Variants in CSMD2 observed in about 807,000 individuals in gnomAD.
CSMD2 encodes CUB and Sushi multiple domains 2.
Under a neutral mutation model 398.5 loss-of-function variants are expected in CSMD2, and 130 were observed. The ratio of observed to expected loss-of-function variants is 0.33; its 90% CI spans 0.28 to 0.38. The LOEUF (loss-of-function observed/expected upper bound fraction) is 0.38, where lower values mean the gene tolerates loss of function less well. CSMD2 is among the 10% of genes least tolerant of loss of function. The pLI is 1.00. For missense variants in CSMD2, 3,829 were observed against 4,764.9 expected (o/e 0.80, Z 5.78); for synonymous variants, 1,828 against 1,908.5 (o/e 0.96, Z 1.10).
intron 1 of CSMD2, among the ~76,000 whole-genome samples, chr1:34,104,643 C>T (rs966521182): frequency 3.9e-5 from 6 of 152,280 alleles, no homozygotes; most frequent in Admixed American, 1.3e-4. Context: ...TCATCACGCC[C>T]GCTGAAGGTG....
chr1:34,136,736 C>T (rs1638789815), intron 1 of CSMD2, among the ~76,000 whole-genome samples: 1 of 152,182 alleles, frequency 6.6e-6, no homozygotes, highest in African/African-American at 2.4e-5. Context: ...ATTATGAAAA[C>T]TCCGATCCAT....
intron 15 of CSMD2, among the ~76,000 whole-genome samples, chr1:33,734,382 A>G (rs1482043933): frequency 6.6e-6 from 1 of 152,150 alleles, no homozygotes; most frequent in African/African-American, 2.4e-5. Flanking sequence ...TATTTGACAG[A>G]GTCTAGCTCT....
At chr1:33,892,865 G>A (rs1447171212) in intron 5 of CSMD2, among the ~76,000 whole-genome samples, 1 of 152,204 alleles carries the variant, frequency 6.6e-6, no homozygotes, top group East Asian at 1.9e-4. Flanking sequence ...CTGGTTGGGT[G>A]ACTTTGAAGC....
chr1:33,574,347 G>A (rs1659874707), intron 49 of CSMD2, among the ~76,000 whole-genome samples: 1 of 152,204 alleles, frequency 6.6e-6, no homozygotes. Context: ...ATGTTTATAG[G>A]AGGAATAGGA....
At chr1:33,676,166 A>C (rs1176133443) in intron 25 of CSMD2, among the ~76,000 whole-genome samples, 2 of 152,218 alleles carry the variant, frequency 1.3e-5, no homozygotes, top group African/African-American at 4.8e-5. Flanking sequence ...AGGAAATAAA[A>C]TTGTCCCTGT....
At position 33,918,082 on chromosome 1, in the gene CSMD2, T is replaced by C. The variant is rs755814921; in HGVS notation, c.920+12A>G. 1 of 1,610,816 alleles carries C rather than the reference T, an allele frequency of 6.2e-7. No homozygotes were observed. The highest frequency in any genetic ancestry group is 8.5e-7 in the Non-Finnish European group (1 of 1,178,206). On this transcript the variant is annotated intron_variant, in intron 5 of 70. Transcript: ENST00000373381. ...AGAATAGGGTAGGAAAGGAAGGTGATGTTGTGCTTACCAGAGGGAGGAGCC... is the reference window on the plus strand; with the variant it reads ...AGAATAGGGTAGGAAAGGAAGGTGACGTTGTGCTTACCAGAGGGAGGAGCC...
chr1:33,869,334 C>T (rs1439030372), intron 5 of CSMD2: 1 of 152,228 alleles, frequency 6.6e-6, no homozygotes, highest in African/African-American at 2.4e-5. Flanking sequence ...GAAGCCTCCA[C>T]TTGGTATTCC....
chr1:33,653,132 T>C (rs1217967267), intron 27 of CSMD2, among the ~76,000 whole-genome samples: 1 of 152,180 alleles, frequency 6.6e-6, no homozygotes, highest in African/African-American at 2.4e-5. Flanking sequence ...ATCTAGCCTC[T>C]CTAGCCCTCG....
chr1:33,607,344 A>G (rs916372884), intron 41 of CSMD2, among the ~76,000 whole-genome samples: 1 of 152,182 alleles, frequency 6.6e-6, no homozygotes, highest in Non-Finnish European at 1.5e-5. Context: ...GAAAGAGTAA[A>G]GAGTTGGACT....
chr1:33,859,120 T>C (rs1639305307), intron 5 of CSMD2, among the ~76,000 whole-genome samples: 1 of 152,244 alleles, frequency 6.6e-6, no homozygotes, highest in Non-Finnish European at 1.5e-5. Context: ...TAGTTTCCTA[T>C]TGCTGCCTTA....
intron 41 of CSMD2, among the ~76,000 whole-genome samples, chr1:33,607,755 G>A (rs1183244652): frequency 2.0e-5 from 3 of 152,328 alleles, no homozygotes; most frequent in East Asian, 1.9e-4. Flanking sequence ...ACAGGTGAAC[G>A]CTGAGGGAGT....
At chr1:33,859,252 T>C (rs1186458168) in intron 5 of CSMD2, among the ~76,000 whole-genome samples, 1 of 152,206 alleles carries the variant, frequency 6.6e-6, no homozygotes, top group Admixed American at 6.5e-5. Flanking sequence ...ACTGAGCCCC[T>C]CTGGTGGCAC....
rs1558342797 is a variant in CSMD2, at chr1:34,076,936, T to TATA, written c.404+12038_404+12040dup. Among the ~76,000 whole-genome samples the TATA allele has an allele frequency of 5.7e-4, 39 of 68,038 alleles. 2 individuals are homozygous for TATA. Among genetic ancestry groups the TATA allele is most frequent in the African/African-American group, 2.5e-3 (39 of 15,354 alleles). 44.6% of individuals were successfully genotyped at this position (68,038 alleles called of 152,430 possible). ...AAAAAAAAAAAAAAAAAAATATATA[T>TATA]ATATATATATATATATATATAGAAG... On this transcript the variant is annotated intron_variant, in intron 2 of 70. Transcript: ENST00000373381.
rs560418931 is a variant in CSMD2, at chr1:33,973,071, G to C, written c.518-37117C>G. On this transcript the variant is annotated intron_variant, in intron 3 of 70. Coordinates refer to ENST00000373381, the MANE Select transcript of CSMD2 (RefSeq NM_001281956.2). Reference sequence around the variant, plus strand: ...CTCTGACCCCAAGACTCAGCTCCCAGCCACCCCTCCAGACCCAGGCCCTGT... The same window carrying C: ...CTCTGACCCCAAGACTCAGCTCCCACCCACCCCTCCAGACCCAGGCCCTGT... Among the ~76,000 whole-genome samples the C allele has an allele frequency of 2.0e-5, 3 of 152,270 alleles. 1 individual carries two copies. In the South Asian group the frequency reaches 6.2e-4, roughly 32 times the overall value.
chr1:34,039,613 G>A (rs1283618050), intron 2 of CSMD2, among the ~76,000 whole-genome samples: 1 of 152,202 alleles, frequency 6.6e-6, no homozygotes, highest in Non-Finnish European at 1.5e-5. Flanking sequence ...AGGGCCACAA[G>A]CATGTCAGAA....
chr1:34,161,968 C>T (rs1263819666), intron 1 of CSMD2, among the ~76,000 whole-genome samples: 1 of 151,678 alleles, frequency 6.6e-6, no homozygotes, highest in Non-Finnish European at 1.5e-5. Context: ...GTCAGGAGTT[C>T]GAGACCAGCC....
At chr1:33,935,214 G>A (rs553854768) in intron 4 of CSMD2, among the ~76,000 whole-genome samples, 9 of 152,202 alleles carry the variant, frequency 5.9e-5, no homozygotes, top group South Asian at 4.1e-4. Flanking sequence ...GAACAAGTTG[G>A]TCAACCTAGC....
In CSMD2 at chr1:33,819,829, G is replaced by A. The variant is rs755297382; in HGVS notation, c.1208C>T (p.Ser403Phe). ...KRLGSDFRLG[S>F]SVQFTCNEGY... ...CTCGTTGCAGGTGAACTGGACGCTG[G>A]ATCCTAACCTGGGAGACAAAGTGTG... Residue 403 changes from serine to phenylalanine, a missense_variant, in exon 9 of 71, where the codon TCC becomes TTC. Physicochemically the swap from Ser to Phe is radical, Grantham distance 155. Coordinates refer to ENST00000373381, the MANE Select transcript of CSMD2 (RefSeq NM_001281956.2). 8 of 1,614,076 alleles carry A rather than the reference G, an allele frequency of 5.0e-6. No homozygotes were observed. The highest frequency in any genetic ancestry group is 6.8e-6 in the Non-Finnish European group (8 of 1,179,980).
At position 33,519,444 on chromosome 1, in the gene CSMD2, T is replaced by C. The variant is rs1167911341; in HGVS notation, c.*53+21A>G. 1.1e-5 allele frequency: 17 copies of C among 1,490,342 alleles called. No individual in the cohort carries two copies. Among genetic ancestry groups the C allele is most frequent in the Non-Finnish European group, 1.6e-5 (17 of 1,080,384 alleles). The allele number at this position is 1,490,342 out of a possible 1,614,324, so 92.3% of individuals were successfully genotyped here. ...TGTCTGTGCTTGTCATGGCCTGTCTTCCTCCCACACCCCTGCTCACCGGCT... is the reference window on the plus strand; with the variant it reads ...TGTCTGTGCTTGTCATGGCCTGTCTCCCTCCCACACCCCTGCTCACCGGCT... On this transcript the variant is annotated intron_variant, in intron 70 of 70. Transcript: ENST00000373381. This position sits in a 1 kb window ranked among gnomAD's most constrained non-coding sequence, Gnocchi z 5.6.
Sources: gnomAD v4.1 joint callset for allele counts (sites outside exome capture counted in the v4.1 genomes callset) on GRCh38, gnomAD v4.1.1 for gene constraint, Gnocchi (gnomAD v3.1) non-coding constraint, MANE v1.5 for transcripts, NCBI Gene and HGNC (gene_info 2026-07-23, HGNC 2026-07-21) for gene names.